The following DNER variants were observed in gnomAD, a reference collection of about 807,000 sequenced individuals.
The protein encoded by DNER is delta/notch like EGF repeat containing, also known as delta and Notch-like epidermal growth factor-related receptor.
In DNER, 33 loss-of-function variants were observed where a neutral mutation model predicts 78.2. The ratio of observed to expected loss-of-function variants is 0.42; its 90% CI spans 0.32 to 0.56. The LOEUF is 0.56. Ranked by LOEUF, DNER falls within the 20% of genes least tolerant of loss-of-function variation. The probability of loss-of-function intolerance (pLI) is 0.11; values close to 1 mark genes in which losing one functional copy is unlikely to be tolerated. For synonymous variants in DNER, 417 were observed against 384.8 expected (o/e 1.08, Z -0.98); for missense variants, 918 against 975.3 (o/e 0.94, Z 0.78).
At chr2:229,464,346 A>C (rs1378729314) in intron 7 of DNER, among the ~76,000 whole-genome samples, 1 of 152,200 alleles carries the variant, frequency 6.6e-6, no homozygotes, top group African/African-American at 2.4e-5. Context: ...GAGAGTAAAA[A>C]ATATCTTAAG....
intron 6 of DNER, among the ~76,000 whole-genome samples, chr2:229,505,480 C>G (rs953639117): frequency 6.6e-6 from 1 of 152,130 alleles, no homozygotes; most frequent in African/African-American, 2.4e-5. Flanking sequence ...GGACCCATCT[C>G]TGTGAAAATG....
In DNER at chr2:229,358,529, C is replaced by T. The variant is rs1483834530; in HGVS notation, c.*11G>A. The T allele has an allele frequency of 6.3e-7, 1 of 1,586,294 alleles. No homozygotes were observed. Among genetic ancestry groups the T allele is most frequent in the East Asian group, 2.2e-5 (1 of 44,628 alleles). On this transcript the variant is annotated 3_prime_UTR_variant, in exon 13 of 13. Coordinates refer to ENST00000341772, the MANE Select transcript of DNER (RefSeq NM_139072.4). ...GTATCTCATCTTTTTGAAAAATAATCCAAAAAAAGATTACAAATCTTTAGT... is the reference window on the plus strand; with the variant it reads ...GTATCTCATCTTTTTGAAAAATAATTCAAAAAAAGATTACAAATCTTTAGT...
At chr2:229,658,857 T>C (rs1048711161) in intron 1 of DNER, among the ~76,000 whole-genome samples, 4 of 152,198 alleles carry the variant, frequency 2.6e-5, no homozygotes, top group African/African-American at 9.7e-5. Context: ...CAGTTGAAAT[T>C]GTACAACACT....
chr2:229,387,075 C>T (rs1186344136), intron 11 of DNER, among the ~76,000 whole-genome samples: 1 of 152,044 alleles, frequency 6.6e-6, no homozygotes, highest in Non-Finnish European at 1.5e-5. Flanking sequence ...TGGAACCAAC[C>T]CAAATGCCCA....
intron 1 of DNER, among the ~76,000 whole-genome samples, chr2:229,602,349 A>G (rs1697845937): frequency 6.6e-6 from 1 of 152,190 alleles, no homozygotes. Context: ...TCTGATAAAG[A>G]GTATCTACAA....
intron 12 of DNER, among the ~76,000 whole-genome samples, chr2:229,362,805 C>A (rs983860035): frequency 2.0e-5 from 3 of 152,162 alleles, no homozygotes; most frequent in Admixed American, 2.0e-4. Flanking sequence ...TATTTGGTGA[C>A]AAGTCTTGTG....
At chr2:229,486,467 AGGCACAGTGGGAAGGACAGT>A (rs1461072081) in intron 6 of DNER, among the ~76,000 whole-genome samples, 1 of 152,176 alleles carries the variant, frequency 6.6e-6, no homozygotes, top group Non-Finnish European at 1.5e-5. Flanking sequence ...AATAGACAAG[AGGCACAGTGGGAAGGACAGT>A]GGCTTGGGGA....
At chr2:229,582,983 G>T (rs142721516) in intron 4 of DNER, among the ~76,000 whole-genome samples, 1 of 152,086 alleles carries the variant, frequency 6.6e-6, no homozygotes, top group Admixed American at 6.5e-5. Flanking sequence ...GGAATAATAC[G>T]TTTCATCCAA....
intron 10 of DNER, among the ~76,000 whole-genome samples, chr2:229,400,937 A>G (rs1383305387): frequency 6.6e-6 from 1 of 152,098 alleles, no homozygotes; most frequent in Admixed American, 6.5e-5. Flanking sequence ...TAAGTGATCA[A>G]CATCAACGTC....
At chr2:229,610,773 T>A (rs755113511) in intron 1 of DNER, among the ~76,000 whole-genome samples, 2 of 152,212 alleles carry the variant, frequency 1.3e-5, no homozygotes, top group Non-Finnish European at 2.9e-5. Context: ...TAAAGAACCA[T>A]AAGAGCAGCT....
At chr2:229,479,309 G>A (rs2154211390) in intron 6 of DNER, among the ~76,000 whole-genome samples, 1 of 152,238 alleles carries the variant, frequency 6.6e-6, no homozygotes, top group South Asian at 2.1e-4. Context: ...TACACTTAAG[G>A]CACTATGCAT....
At chr2:229,504,160 A>G (rs973440) in intron 6 of DNER, among the ~76,000 whole-genome samples, 58,932 of 152,056 alleles carry the variant, frequency 0.39, 11,559 homozygotes, top group Middle Eastern at 0.48. Context: ...ACATATATAT[A>G]TCGATGCCCT....
At chr2:229,416,877 C>T (rs1693664694) in intron 9 of DNER, among the ~76,000 whole-genome samples, 1 of 152,088 alleles carries the variant, frequency 6.6e-6, no homozygotes, top group Admixed American at 6.5e-5. Flanking sequence ...CTGCCATCTT[C>T]CTAGAATCTT....
At chr2:229,450,144 A>T (rs948611343) in intron 7 of DNER, among the ~76,000 whole-genome samples, 3 of 152,218 alleles carry the variant, frequency 2.0e-5, no homozygotes, top group African/African-American at 7.2e-5. Flanking sequence ...TGAACTAATG[A>T]TGACAGAAGG....
intron 3 of DNER, among the ~76,000 whole-genome samples, chr2:229,587,652 G>A (rs1464690962): frequency 2.0e-5 from 3 of 152,234 alleles, no homozygotes; most frequent in African/African-American, 7.2e-5. Context: ...CCCTTAGGTT[G>A]CATGGAAAGT....
chr2:229,565,520 G>T (rs1244100275), intron 4 of DNER, among the ~76,000 whole-genome samples: 1 of 152,128 alleles, frequency 6.6e-6, no homozygotes, highest in Admixed American at 6.6e-5. Context: ...GGATTTGAAA[G>T]ACTTTTTTTA....
Position 229,630,082 on chromosome 2 carries a change from T to A in DNER, c.277-38194A>T, listed in dbSNP as rs139564000. Among the ~76,000 whole-genome samples the A allele has an allele frequency of 4.8e-3, 732 of 152,354 alleles. 4 individuals are homozygous for A. Among genetic ancestry groups the A allele is most frequent in the African/African-American group, 0.017 (696 of 41,594 alleles). ...TTTATCTATCTTCTATTTTAATGGA[T>A]AATTACATAAAAAGCATGTTAAGCT... On this transcript the variant is annotated intron_variant, in intron 1 of 12. Coordinates refer to ENST00000341772, the MANE Select transcript of DNER (RefSeq NM_139072.4).
At position 229,487,684 on chromosome 2, in the gene DNER, A is replaced by G. The variant is rs149386189; in HGVS notation, c.1148-10431T>C. ...TAGTAAATCAAACTCTAAAGAAGGT[A>G]TTCATTCACTCTTCAGAAAGAATTT... On this transcript the variant is annotated intron_variant, in intron 6 of 12. Transcript: ENST00000341772. 2.5e-3 allele frequency among the ~76,000 whole-genome samples: 382 copies of G among 152,376 alleles called. 1 individual carries two copies. The highest frequency in any genetic ancestry group is 8.7e-3 in the African/African-American group (362 of 41,594).
intron 1 of DNER, among the ~76,000 whole-genome samples, chr2:229,643,843 C>T (rs1285844463): frequency 1.3e-5 from 2 of 152,130 alleles, no homozygotes; most frequent in Non-Finnish European, 2.9e-5. Flanking sequence ...CAAAGCAGTC[C>T]CTTCATTTTG....
Sources: gnomAD v4.1 joint callset for allele counts (sites outside exome capture counted in the v4.1 genomes callset) on GRCh38, gnomAD v4.1.1 for gene constraint, MANE v1.5 for transcripts, NCBI Gene and HGNC (gene_info 2026-07-23, HGNC 2026-07-21) for gene names.